IL1RAPL1: variants seen among roughly 807,000 people sequenced by gnomAD.
The protein encoded by IL1RAPL1 is interleukin 1 receptor accessory protein like 1.
A neutral mutation model predicts 48.4 loss-of-function variants in IL1RAPL1; 3 were observed. The ratio of observed to expected loss-of-function variants is 0.06; its 90% CI spans 0.03 to 0.16. IL1RAPL1 has a LOEUF of 0.16. Among genes scored for constraint, IL1RAPL1 ranks in the 10% least tolerant of loss-of-function variants. The pLI, the probability that IL1RAPL1 is intolerant of heterozygous loss-of-function variation, is 1.00. For missense variants in IL1RAPL1, 349 were observed against 530.6 expected, an observed-to-expected ratio of 0.66 and a Z score of 3.36; for synonymous variants, 185 against 187.7, an observed-to-expected ratio of 0.99 and a Z score of 0.12.
rs145616463 is a variant in IL1RAPL1 at position 28,804,271 on chromosome X, G to A, written c.82+14846G>A. On this transcript the variant is annotated intron_variant, in intron 2 of 10. Coordinates refer to ENST00000378993, the MANE Select transcript of IL1RAPL1 (RefSeq NM_014271.4). ...CAAGCAACTGGACTGAATTCTCTGGGGGATTAAAAAAGATGAACAATCTAC... is the reference window on the plus strand; with the variant it reads ...CAAGCAACTGGACTGAATTCTCTGGAGGATTAAAAAAGATGAACAATCTAC... 7.9e-3 allele frequency among the ~76,000 whole-genome samples: 872 copies of A among 110,904 alleles called. 7 individuals are homozygous for A. The highest frequency in any genetic ancestry group is 0.028 in the African/African-American group (848 of 30,550).
At chrX:29,872,874 G>A (rs6628479) in intron 6 of IL1RAPL1, among the ~76,000 whole-genome samples, 4,242 of 112,371 alleles carry the variant, frequency 0.038, 203 homozygotes, top group African/African-American at 0.13. Context: ...ATAAGAATAA[G>A]TTTAGTTTAA....
rs936175480 is a variant in IL1RAPL1, at chrX:28,645,343, G to A, written c.-25+57296G>A. The stretch of plus-strand genomic sequence containing the variant: ...GCCTGGGCAACAAGAGTGAAATTCC[G>A]CCTCAAAAAAAAAAAAAAAAAAAAA... On this transcript the variant is annotated intron_variant, in intron 1 of 10. Coordinates refer to ENST00000378993, the MANE Select transcript of IL1RAPL1 (RefSeq NM_014271.4). 1.1e-4 allele frequency among the ~76,000 whole-genome samples: 4 copies of A among 37,907 alleles called. No homozygotes were observed. In the Admixed American group the frequency reaches 1.4e-3, roughly 13 times the overall value. The allele number at this position is 37,907 out of a possible 115,157, so 32.9% of individuals were successfully genotyped here. A position where few individuals can be genotyped will look rare whatever the true frequency, so the allele number is the denominator to read the frequency against.
chrX:29,248,080 A>G (rs931165509), intron 2 of IL1RAPL1, among the ~76,000 whole-genome samples: 3 of 111,729 alleles, frequency 2.7e-5, no homozygotes, highest in Admixed American at 9.6e-5. Flanking sequence ...GGTGTTTCCA[A>G]TTTGCTCTAA....
chrX:28,873,683 C>T (rs1174917197), intron 2 of IL1RAPL1, among the ~76,000 whole-genome samples: 8 of 108,003 alleles, frequency 7.4e-5, no homozygotes, highest in Non-Finnish European at 1.3e-4. Flanking sequence ...AGGAGCCCGC[C>T]ACCACAGCCG....
intron 2 of IL1RAPL1, among the ~76,000 whole-genome samples, chrX:28,970,408 ATTCT>A (rs1224902824): frequency 8.9e-6 from 1 of 112,605 alleles, no homozygotes; most frequent in Admixed American, 9.4e-5. Context: ...CAAAGAACAG[ATTCT>A]TTATTTAACA....
rs137860640 is a variant in IL1RAPL1 at position 28,743,994 on chromosome X, A to C, written c.-24-45326A>C. Among the ~76,000 whole-genome samples, 988 of 110,609 alleles carry C rather than the reference A, an allele frequency of 8.9e-3. 9 individuals are homozygous for C. Among genetic ancestry groups the C allele is most frequent in the African/African-American group, 0.031 (942 of 30,499 alleles). ...AATAAACCTGACTACTTTCAACTCAAACTGCTACTTCTAAGTATCAAAAAT... is the reference window on the plus strand; with the variant it reads ...AATAAACCTGACTACTTTCAACTCACACTGCTACTTCTAAGTATCAAAAAT... On this transcript the variant is annotated intron_variant, in intron 1 of 10. Transcript: ENST00000378993.
At chrX:29,098,251 C>T (rs190000751) in intron 2 of IL1RAPL1, among the ~76,000 whole-genome samples, 1 of 110,792 alleles carries the variant, frequency 9.0e-6, no homozygotes, top group East Asian at 2.9e-4. Flanking sequence ...GTTAGTCATC[C>T]CCATTCCATG....
intron 6 of IL1RAPL1, among the ~76,000 whole-genome samples, chrX:29,816,848 A>G (rs1324626273): frequency 9.0e-6 from 1 of 110,600 alleles, no homozygotes; most frequent in Non-Finnish European, 1.9e-5. Context: ...TTAGGAAACA[A>G]TACAATTTTG....
At chrX:29,875,360 A>G (rs1354562744) in intron 6 of IL1RAPL1, among the ~76,000 whole-genome samples, 1 of 112,024 alleles carries the variant, frequency 8.9e-6, no homozygotes, top group Non-Finnish European at 1.9e-5. Flanking sequence ...CACATTGGAT[A>G]TGGTTGAGTA....
chrX:28,840,644 T>C (rs2147291684), intron 2 of IL1RAPL1, among the ~76,000 whole-genome samples: 1 of 111,506 alleles, frequency 9.0e-6, no homozygotes, highest in Non-Finnish European at 1.9e-5. Context: ...AAACTAAATT[T>C]AACTTAATAA....
Position 29,005,664 on chromosome X carries a change from C to T in IL1RAPL1, c.82+216239C>T, listed in dbSNP as rs148177365. ...CCCCATTATGGTTTGTCTGTGTTTG[C>T]GAGTAAAGACGTGTCTTAATTAAAA... On this transcript the variant is annotated intron_variant, in intron 2 of 10. Coordinates refer to ENST00000378993, the MANE Select transcript of IL1RAPL1 (RefSeq NM_014271.4). Among the ~76,000 whole-genome samples, 507 of 111,149 alleles carry T rather than the reference C, an allele frequency of 4.6e-3. 3 individuals are homozygous for T. The highest frequency in any genetic ancestry group is 0.016 in the African/African-American group (484 of 30,597).
intron 5 of IL1RAPL1, among the ~76,000 whole-genome samples, chrX:29,604,858 C>T (rs1037693069): frequency 1.7e-4 from 19 of 110,207 alleles, no homozygotes; most frequent in African/African-American, 5.3e-4. Context: ...TAATACAACC[C>T]GTATTTTTTT....
chrX:29,429,699 C>A (rs1387282207), intron 5 of IL1RAPL1, among the ~76,000 whole-genome samples: 1 of 111,037 alleles, frequency 9.0e-6, no homozygotes, highest in African/African-American at 3.3e-5. Flanking sequence ...CTCCAGATCT[C>A]ACCTCTCTGG....
At chrX:29,173,252 A>G (rs776359569) in intron 2 of IL1RAPL1, among the ~76,000 whole-genome samples, 2 of 111,865 alleles carry the variant, frequency 1.8e-5, no homozygotes, top group Non-Finnish European at 3.8e-5. Flanking sequence ...TTTGGATTGA[A>G]AAACAGCTAA....
intron 3 of IL1RAPL1, among the ~76,000 whole-genome samples, chrX:29,295,137 A>T (rs886071585): frequency 8.9e-5 from 10 of 111,984 alleles, no homozygotes; most frequent in African/African-American, 3.2e-4. Flanking sequence ...TGGAAGAAAA[A>T]AATCCATGAG....
intron 6 of IL1RAPL1, among the ~76,000 whole-genome samples, chrX:29,692,006 C>T (rs956010401): frequency 2.7e-5 from 3 of 112,318 alleles, no homozygotes; most frequent in Non-Finnish European, 5.6e-5. Flanking sequence ...TTTTGTATTT[C>T]ATTTACAATG....
At chrX:29,896,913 A>G (rs1391352618) in intron 6 of IL1RAPL1, among the ~76,000 whole-genome samples, 6 of 112,788 alleles carry the variant, frequency 5.3e-5, no homozygotes, top group African/African-American at 1.9e-4. Flanking sequence ...AACATCCTCC[A>G]ACTAGTGTGA....
At chrX:29,873,554 T>C (rs1601860796) in intron 6 of IL1RAPL1, among the ~76,000 whole-genome samples, 1 of 111,624 alleles carries the variant, frequency 9.0e-6, no homozygotes, top group Non-Finnish European at 1.9e-5. Flanking sequence ...CAGCAAAAAG[T>C]GTAATCCGTG....
chrX:29,752,395 CT>C (rs1347617963), intron 6 of IL1RAPL1, among the ~76,000 whole-genome samples: 6 of 104,163 alleles, frequency 5.8e-5, no homozygotes, highest in Non-Finnish European at 1.2e-4. Flanking sequence ...ACTCAGGAGG[CT>C]GAGGCAGGAG....
Sources: gnomAD v4.1 joint callset for allele counts (sites outside exome capture counted in the v4.1 genomes callset) on GRCh38, gnomAD v4.1.1 for gene constraint, MANE v1.5 for transcripts, NCBI Gene and HGNC (gene_info 2026-07-23, HGNC 2026-07-21) for gene names.